Variants in GRB14 observed in about 807,000 individuals in gnomAD.
GRB14 encodes growth factor receptor bound protein 14, also known as growth factor receptor-bound protein 14.
A neutral mutation model predicts 69.1 loss-of-function variants in GRB14; 38 were observed. The ratio of observed to expected loss-of-function variants is 0.55; its 90% confidence interval spans 0.42 to 0.72. The LOEUF (loss-of-function observed/expected upper bound fraction) is 0.72. GRB14 is among the 30% of genes least tolerant of loss of function. GRB14 has a pLI of 0.00. For synonymous variants in GRB14, 247 were observed against 241.3 expected, an observed-to-expected ratio of 1.02 and a Z score of -0.22; for missense variants, 666 against 666.1, an observed-to-expected ratio of 1.00 and a Z score of 0.00.
At chr2:164,539,809 G>A (rs1688186149) in intron 3 of GRB14, 1 of 152,104 alleles carries the variant, frequency 6.6e-6, no homozygotes, top group Non-Finnish European at 1.5e-5. Flanking sequence ...CTCATAAACA[G>A]ACCACGTGTG....
At chr2:164,586,646 C>G (rs974784346) in intron 2 of GRB14, among the ~76,000 whole-genome samples, 1 of 152,192 alleles carries the variant, frequency 6.6e-6, no homozygotes, top group African/African-American at 2.4e-5. Flanking sequence ...CCAGTGCTAC[C>G]TTGAGGAAGA....
chr2:164,495,393 G>A (rs938452064), intron 12 of GRB14, among the ~76,000 whole-genome samples: 9 of 132,132 alleles, frequency 6.8e-5, no homozygotes, highest in African/African-American at 2.7e-4. Flanking sequence ...TAAGCAAAAT[G>A]CTTTAAGTAA....
At chr2:164,570,836 ACAT>A (rs1689107726) in intron 2 of GRB14, among the ~76,000 whole-genome samples, 1 of 152,208 alleles carries the variant, frequency 6.6e-6, no homozygotes, top group African/African-American at 2.4e-5. Flanking sequence ...TGCAATATAT[ACAT>A]GCCCTAAAAG....
chr2:164,524,018 G>A (rs1167469160), intron 5 of GRB14, among the ~76,000 whole-genome samples: 1 of 152,018 alleles, frequency 6.6e-6, no homozygotes, highest in East Asian at 1.9e-4. Context: ...AAACCCAGGA[G>A]CACAGAAGCA....
chr2:164,587,263 A>C (rs1689560803), intron 2 of GRB14, among the ~76,000 whole-genome samples: 2 of 152,198 alleles, frequency 1.3e-5, no homozygotes, highest in South Asian at 4.1e-4. Flanking sequence ...AGTTGACTTT[A>C]GAATTCTATA....
chr2:164,538,400 A>C (rs1407970348), intron 3 of GRB14, among the ~76,000 whole-genome samples: 1 of 152,174 alleles, frequency 6.6e-6, no homozygotes, highest in East Asian at 1.9e-4. Context: ...CCCTACTCTT[A>C]CATTGATTAT....
chr2:164,609,551 T>G (rs965365177), intron 2 of GRB14, among the ~76,000 whole-genome samples: 1 of 152,240 alleles, frequency 6.6e-6, no homozygotes, highest in Non-Finnish European at 1.5e-5. Context: ...TCTTTCAGCT[T>G]TTATAGGATT....
chr2:164,601,781 C>T (rs1184192075), intron 2 of GRB14, among the ~76,000 whole-genome samples: 1 of 152,254 alleles, frequency 6.6e-6, no homozygotes, highest in East Asian at 1.9e-4. Context: ...AATCACACTA[C>T]TTTACAACTG....
rs976215634 is a variant in GRB14, at chr2:164,498,278, T to A, written c.1105-788A>T. 4.6e-5 allele frequency among the ~76,000 whole-genome samples: 7 copies of A among 152,308 alleles called. No individual in the cohort carries two copies. In the South Asian group the frequency reaches 6.2e-4, roughly 14 times the overall value. Reference sequence around the variant, plus strand: ...AGAAGGCAACTTTAAAGAAACTTAGTTTAAACAAATGATAAAGTCATTGTT... The same window carrying A: ...AGAAGGCAACTTTAAAGAAACTTAGATTAAACAAATGATAAAGTCATTGTT... On this transcript the variant is annotated intron_variant, in intron 9 of 13. Transcript: ENST00000263915.
At chr2:164,580,897 G>C (rs536394003) in intron 2 of GRB14, among the ~76,000 whole-genome samples, 23 of 152,236 alleles carry the variant, frequency 1.5e-4, no homozygotes, top group Middle Eastern at 3.4e-3. Context: ...TAATCACCCT[G>C]TGCTGGATAT....
At chr2:164,526,970 G>A (rs370209320) in intron 4 of GRB14, 44 bp downstream of exon 4, 6 of 1,406,082 alleles carry the variant, frequency 4.3e-6, no homozygotes, top group African/African-American at 2.9e-5. Flanking sequence ...AAAATTTAAC[G>A]GGTTCATTTA....
intron 6 of GRB14, among the ~76,000 whole-genome samples, chr2:164,512,319 AC>A (rs1687360474): frequency 6.6e-6 from 1 of 152,076 alleles, no homozygotes; most frequent in Non-Finnish European, 1.5e-5. Context: ...GGCTTGTGCC[AC>A]CACGCCTGGC....
intron 8 of GRB14, among the ~76,000 whole-genome samples, chr2:164,505,849 T>A (rs936999810): frequency 3.3e-5 from 5 of 152,100 alleles, no homozygotes; most frequent in Non-Finnish European, 7.3e-5. Flanking sequence ...TTGGCATCAT[T>A]TTTTTTCCTT....
intron 5 of GRB14, among the ~76,000 whole-genome samples, chr2:164,522,847 G>A (rs1334079845): frequency 6.6e-6 from 1 of 152,052 alleles, no homozygotes; most frequent in Admixed American, 6.6e-5. Flanking sequence ...ATGCGAGCAA[G>A]CCTGTCATTG....
rs193260295 is a variant in GRB14, at chr2:164,589,125, C to G, written c.324+30562G>C. On this transcript the variant is annotated intron_variant, in intron 2 of 13. Transcript: ENST00000263915. ...AGAGTACTCTTGTAGTCAATGTGTA[C>G]ATTTACAGACATTTTAGAAAAGTTA... Among the ~76,000 whole-genome samples, 22 of 152,212 alleles carry G rather than the reference C, an allele frequency of 1.4e-4. No individual in the cohort carries two copies. In the East Asian group the frequency reaches 4.2e-3, roughly 29 times the overall value.
intron 3 of GRB14, among the ~76,000 whole-genome samples, chr2:164,531,107 T>G (rs1013340929): frequency 6.6e-6 from 1 of 152,154 alleles, no homozygotes; most frequent in African/African-American, 2.4e-5. Flanking sequence ...GAGGAAGACA[T>G]CAAGGTTCTC....
At chr2:164,584,580 C>T (rs1016969624) in intron 2 of GRB14, among the ~76,000 whole-genome samples, 7 of 150,668 alleles carry the variant, frequency 4.6e-5, no homozygotes, top group Non-Finnish European at 4.4e-5. Context: ...TAAGTCCCTA[C>T]GATGTAAAAA....
At chr2:164,620,759 A>C (rs1558888915) in intron 1 of GRB14, among the ~76,000 whole-genome samples, 1 of 152,160 alleles carries the variant, frequency 6.6e-6, no homozygotes. Context: ...AGGTGAATAC[A>C]TTTATGCTAC....
intron 12 of GRB14, among the ~76,000 whole-genome samples, chr2:164,495,763 T>C (rs1475271710): frequency 6.6e-6 from 1 of 152,214 alleles, no homozygotes. Flanking sequence ...GTTTCACTGG[T>C]AAATCAAGCT....
Sources: gnomAD v4.1 joint callset for allele counts (sites outside exome capture counted in the v4.1 genomes callset) on GRCh38, gnomAD v4.1.1 for gene constraint, MANE v1.5 for transcripts, NCBI Gene and HGNC (gene_info 2026-07-23, HGNC 2026-07-21) for gene names.